LIMCH1: variants seen among roughly 807,000 people sequenced by gnomAD.
LIMCH1 encodes the protein LIM and calponin homology domains 1.
A neutral mutation model predicts 176.5 loss-of-function variants in LIMCH1; 113 were observed. The ratio of observed to expected loss-of-function variants is 0.64; its 90% CI spans 0.55 to 0.75. The LOEUF (loss-of-function observed/expected upper bound fraction) is 0.75. LIMCH1 is among the 30% of genes least tolerant of loss of function. The pLI, the probability that LIMCH1 is intolerant of heterozygous loss-of-function variation, is 0.00. For missense variants in LIMCH1, 1,674 were observed against 1,814.9 expected (o/e 0.92, Z 1.41); for synonymous variants, 619 against 645.9 (o/e 0.96, Z 0.63).
chr4:41,490,243 C>G (rs1217077206), intron 1 of LIMCH1, among the ~76,000 whole-genome samples: 3 of 148,914 alleles, frequency 2.0e-5, no homozygotes, highest in Admixed American at 2.0e-4. Context: ...GCTGTAGGCT[C>G]TGCTGCTATT....
intron 1 of LIMCH1, among the ~76,000 whole-genome samples, chr4:41,380,316 T>C (rs969724277): frequency 2.0e-5 from 3 of 152,146 alleles, no homozygotes; most frequent in African/African-American, 7.2e-5. Flanking sequence ...TTTCTTTTCT[T>C]TCTTCTTTCT....
intron 1 of LIMCH1, among the ~76,000 whole-genome samples, chr4:41,417,910 A>G (rs28468971): frequency 0.014 from 2,139 of 152,320 alleles, 46 homozygotes; most frequent in African/African-American, 0.049. Flanking sequence ...AAAGCAATAA[A>G]TGATCATTCA....
intron 1 of LIMCH1, among the ~76,000 whole-genome samples, chr4:41,456,280 TGG>T (rs1157672762): frequency 6.6e-6 from 1 of 152,210 alleles, no homozygotes; most frequent in Non-Finnish European, 1.5e-5. Flanking sequence ...GGCCTCACCC[TGG>T]ATAGTTTTAT....
chr4:41,674,418 C>T (rs183143477), intron 22 of LIMCH1, among the ~76,000 whole-genome samples: 2 of 152,186 alleles, frequency 1.3e-5, no homozygotes, highest in African/African-American at 2.4e-5. Flanking sequence ...TAAACCACCT[C>T]GAAGTTCTGG....
chr4:41,467,337 A>G (rs1234572996), intron 1 of LIMCH1, among the ~76,000 whole-genome samples: 2 of 152,174 alleles, frequency 1.3e-5, no homozygotes, highest in Non-Finnish European at 2.9e-5. Flanking sequence ...TAACCAGTGT[A>G]TTAGTTCGTT....
intron 1 of LIMCH1, among the ~76,000 whole-genome samples, chr4:41,423,449 T>TAA (rs112606125): frequency 0.086 from 12,445 of 145,196 alleles, 738 homozygotes; most frequent in African/African-American, 0.17. Flanking sequence ...GTCTTGGGGT[T>TAA]AAAAAAAAAA....
chr4:41,542,704 T>C (rs969482813), intron 1 of LIMCH1, among the ~76,000 whole-genome samples: 2 of 152,174 alleles, frequency 1.3e-5, no homozygotes, highest in Admixed American at 1.3e-4. Context: ...TTCAATTGTT[T>C]CCAGAAATCC....
intron 2 of LIMCH1, among the ~76,000 whole-genome samples, chr4:41,600,689 G>T (rs535084321): frequency 6.6e-6 from 1 of 152,028 alleles, no homozygotes; most frequent in African/African-American, 2.4e-5. Flanking sequence ...TCTTCAGCAG[G>T]CCCCATGTAT....
intron 4 of LIMCH1, chr4:41,609,681 A>T (rs748139829): frequency 4.4e-6 from 2 of 455,978 alleles, no homozygotes. Context: ...CCAAAATTTC[A>T]TGAAGCTAGT....
At chr4:41,546,192 G>A (rs759923030) in intron 1 of LIMCH1, among the ~76,000 whole-genome samples, 3 of 152,084 alleles carry the variant, frequency 2.0e-5, no homozygotes, top group African/African-American at 4.8e-5. Flanking sequence ...AGGCTGGAGT[G>A]CAGTGGTGTG....
chr4:41,643,721 T>C (rs1332170502), intron 14 of LIMCH1, among the ~76,000 whole-genome samples: 3 of 152,236 alleles, frequency 2.0e-5, no homozygotes, highest in African/African-American at 4.8e-5. Flanking sequence ...AAAAATTAAA[T>C]GACTGTGTGC....
chr4:41,429,096 C>G (rs534656445), intron 1 of LIMCH1, among the ~76,000 whole-genome samples: 1 of 152,134 alleles, frequency 6.6e-6, no homozygotes, highest in Non-Finnish European at 1.5e-5. Flanking sequence ...GAGTTCCAGC[C>G]GAGGGAGAGT....
chr4:41,382,932 A>C (rs966369493), intron 1 of LIMCH1, among the ~76,000 whole-genome samples: 1 of 152,164 alleles, frequency 6.6e-6, no homozygotes, highest in Non-Finnish European at 1.5e-5. Flanking sequence ...CTGGGACTAC[A>C]GGTGCATGCC....
intron 1 of LIMCH1, among the ~76,000 whole-genome samples, chr4:41,385,572 A>G (rs1248851427): frequency 6.6e-6 from 1 of 152,194 alleles, no homozygotes; most frequent in African/African-American, 2.4e-5. Flanking sequence ...TGCATATTAA[A>G]AATGTTCCAG....
At chr4:41,425,133 C>T (rs967127987) in intron 1 of LIMCH1, among the ~76,000 whole-genome samples, 5 of 152,164 alleles carry the variant, frequency 3.3e-5, no homozygotes, top group Non-Finnish European at 7.3e-5. Context: ...CTAAGAAGGG[C>T]ATATCTGTTT....
chr4:41,577,891 C>T lies in LIMCH1; in HGVS notation c.-240-21029C>T, dbSNP rs933481394. On this transcript the variant is annotated intron_variant, in intron 1 of 31. Coordinates refer to ENST00000503057, the MANE Select transcript of LIMCH1 (RefSeq NM_001330672.2). ...AGTGTATACCATAATTCTATTTAAG[C>T]GATCTCTTGTTGTTGAACATTCATG... 8.5e-5 allele frequency among the ~76,000 whole-genome samples: 13 copies of T among 152,206 alleles called. No homozygotes were observed. In the South Asian group the frequency reaches 1.5e-3, roughly 17 times the overall value.
Position 41,627,220 on chromosome 4 carries a change from CA to C in LIMCH1, c.1028+211del, listed in dbSNP as rs530743169. Reference sequence around the variant, plus strand: ...ATCTCCCTTAAATGCAGATGGCAGACAGTAGAGTGTCCATGTCCAAAATAGG... The same window carrying C: ...ATCTCCCTTAAATGCAGATGGCAGACGTAGAGTGTCCATGTCCAAAATAGG... On this transcript the variant is annotated intron_variant, in intron 8 of 31. Coordinates refer to ENST00000503057, the MANE Select transcript of LIMCH1 (RefSeq NM_001330672.2). Among the ~76,000 whole-genome samples the C allele has an allele frequency of 2.0e-3, 297 of 152,258 alleles. 2 individuals are homozygous for C. Among genetic ancestry groups the C allele is most frequent in the Non-Finnish European group, 2.9e-3 (200 of 68,026 alleles).
intron 4 of LIMCH1, among the ~76,000 whole-genome samples, chr4:41,606,400 AC>A (rs2090717818): frequency 6.6e-6 from 1 of 152,190 alleles, no homozygotes; most frequent in South Asian, 2.1e-4. Context: ...CATTTTGCTT[AC>A]CCACTGGGGC....
At chr4:41,621,881 C>G (rs2152829022) in intron 7 of LIMCH1, among the ~76,000 whole-genome samples, 1 of 152,158 alleles carries the variant, frequency 6.6e-6, no homozygotes, top group African/African-American at 2.4e-5. Flanking sequence ...TTCCATTTCT[C>G]TATACAGCTC....
Sources: allele counts gnomAD v4.1 joint callset (sites outside exome capture counted in the v4.1 genomes callset), GRCh38; gene constraint gnomAD v4.1.1; transcripts MANE v1.5; gene names NCBI Gene and HGNC (gene_info 2026-07-23, HGNC 2026-07-21).